GMDS: variants seen among roughly 807,000 people sequenced by gnomAD.
GMDS encodes the protein GDP-mannose 4,6 dehydratase.
GMDS carries 20 observed loss-of-function variants against 49.9 expected under a neutral mutation model. The observed-to-expected ratio is 0.40, with a 90% CI of 0.28 to 0.58. The LOEUF (loss-of-function observed/expected upper bound fraction) is 0.58. Ranked by LOEUF, GMDS falls within the 20% of genes least tolerant of loss-of-function variation. The probability of loss-of-function intolerance (pLI) is 0.42; values close to 1 mark genes in which losing one functional copy is unlikely to be tolerated. For missense variants in GMDS, 362 were observed against 481.4 expected (o/e 0.75, Z 2.32); for synonymous variants, 177 against 178.6 (o/e 0.99, Z 0.07).
Position 1,998,708 on chromosome 6 carries a change from G to A in GMDS, c.346-37742C>T, listed in dbSNP as rs113350357. Among the ~76,000 whole-genome samples the A allele has an allele frequency of 2.7e-4, 41 of 152,120 alleles. 1 individual carries two copies. In the Middle Eastern group the frequency reaches 0.027, roughly 101 times the overall value. On this transcript the variant is annotated intron_variant, in intron 4 of 10. Transcript: ENST00000380815. ...TTAGGTATTATAAGTTATCTAAGAC[G>A]ATTTGAAAAATACAGCAGGATGTAT...
At chr6:1,752,378 G>A (rs1767769548) in intron 7 of GMDS, among the ~76,000 whole-genome samples, 1 of 152,306 alleles carries the variant, frequency 6.6e-6, no homozygotes, top group Non-Finnish European at 1.5e-5. Context: ...AAGAAATATG[G>A]GACTATGTGA....
chr6:2,229,159 T>C (rs550553372), intron 1 of GMDS, among the ~76,000 whole-genome samples: 3 of 152,278 alleles, frequency 2.0e-5, no homozygotes, highest in African/African-American at 7.2e-5. Flanking sequence ...TCCAGTCTGG[T>C]ATACAAGAAA....
At chr6:1,738,859 A>G (rs1402100131) in intron 8 of GMDS, among the ~76,000 whole-genome samples, 1 of 152,200 alleles carries the variant, frequency 6.6e-6, no homozygotes, top group African/African-American at 2.4e-5. Flanking sequence ...GACAGCTCCA[A>G]CAAGCCTCTA....
At chr6:1,886,862 T>A (rs1278995957) in intron 7 of GMDS, among the ~76,000 whole-genome samples, 1 of 152,236 alleles carries the variant, frequency 6.6e-6, no homozygotes, top group Non-Finnish European at 1.5e-5. Flanking sequence ...TCACTAACAA[T>A]TGGCAGATTT....
At chr6:1,630,897 T>C (rs2113151794) in intron 9 of GMDS, among the ~76,000 whole-genome samples, 1 of 152,032 alleles carries the variant, frequency 6.6e-6, no homozygotes, top group African/African-American at 2.4e-5. Flanking sequence ...GGCTGACTCA[T>C]AGTTGTGATG....
chr6:2,141,219 G>A (rs937559578), intron 1 of GMDS, among the ~76,000 whole-genome samples: 2 of 152,328 alleles, frequency 1.3e-5, no homozygotes, highest in African/African-American at 4.8e-5. Flanking sequence ...ATGGGCATCT[G>A]CAGTAAGAAG....
chr6:1,969,483 G>T (rs1004088648), intron 4 of GMDS, among the ~76,000 whole-genome samples: 79 of 152,082 alleles, frequency 5.2e-4, no homozygotes, highest in African/African-American at 1.8e-3. Context: ...GAGTAAGGCT[G>T]AACACATTAC....
chr6:2,129,410 C>G (rs961277249), intron 1 of GMDS, among the ~76,000 whole-genome samples: 1 of 152,128 alleles, frequency 6.6e-6, no homozygotes, highest in Admixed American at 6.5e-5. Context: ...TTCTTACATG[C>G]AATGTGAGAA....
At chr6:2,016,169 G>C (rs1416759850) in intron 4 of GMDS, among the ~76,000 whole-genome samples, 1 of 151,200 alleles carries the variant, frequency 6.6e-6, no homozygotes, top group Non-Finnish European at 1.5e-5. Flanking sequence ...TGAGGTGGAA[G>C]GACTGCTTGA....
intron 1 of GMDS, among the ~76,000 whole-genome samples, chr6:2,182,235 G>A (rs1778580846): frequency 6.6e-6 from 1 of 152,228 alleles, no homozygotes; most frequent in Admixed American, 6.5e-5. Flanking sequence ...CAGAAGAAAA[G>A]CTGGAAGCTA....
At chr6:2,137,397 G>A (rs1173134333) in intron 1 of GMDS, among the ~76,000 whole-genome samples, 2 of 147,818 alleles carry the variant, frequency 1.4e-5, no homozygotes, top group South Asian at 4.2e-4. Context: ...GCAATGGCAC[G>A]ATCTTGGCTC....
intron 7 of GMDS, among the ~76,000 whole-genome samples, chr6:1,761,905 G>GA (rs995897897): frequency 5.3e-4 from 80 of 150,062 alleles, no homozygotes; most frequent in East Asian, 2.0e-3. Context: ...CACTGGAGAC[G>GA]AAAAAAAAAC....
intron 7 of GMDS, among the ~76,000 whole-genome samples, chr6:1,876,571 C>T (rs1191439493): frequency 6.6e-6 from 1 of 152,152 alleles, no homozygotes; most frequent in Non-Finnish European, 1.5e-5. Flanking sequence ...AGCTCTTAGA[C>T]AATTCCTGAA....
intron 4 of GMDS, among the ~76,000 whole-genome samples, chr6:2,068,795 T>C (rs542887210): frequency 3.3e-5 from 5 of 152,330 alleles, no homozygotes; most frequent in Admixed American, 3.3e-4. Flanking sequence ...GAACATTCCA[T>C]GCTCATGGGT....
chr6:2,013,665 C>T (rs2325727), intron 4 of GMDS, among the ~76,000 whole-genome samples: 57,413 of 151,500 alleles, frequency 0.38, 11,235 homozygotes, highest in Middle Eastern at 0.47. Flanking sequence ...GTTCCCCTGG[C>T]ATGACCACAG....
At position 1,906,698 on chromosome 6, in the gene GMDS, T is replaced by C. The variant is rs530698611; in HGVS notation, c.771+23405A>G. 2.6e-5 allele frequency among the ~76,000 whole-genome samples: 4 copies of C among 151,876 alleles called. No individual in the cohort carries two copies. In the Middle Eastern group the frequency reaches 0.014, roughly 520 times the overall value. ...GGTCCTGGGTTTGCAAGCCAGGGGG[T>C]TTCCTGCAGTTCCAAAAGCTTTTGT... On this transcript the variant is annotated intron_variant, in intron 7 of 10. Coordinates refer to ENST00000380815, the MANE Select transcript of GMDS (RefSeq NM_001500.4).
At chr6:2,151,475 G>T (rs1776841539) in intron 1 of GMDS, among the ~76,000 whole-genome samples, 1 of 152,054 alleles carries the variant, frequency 6.6e-6, no homozygotes, top group South Asian at 2.1e-4. Context: ...CCATTTGCTA[G>T]CTATGTAATC....
intron 4 of GMDS, among the ~76,000 whole-genome samples, chr6:2,050,335 T>G (rs903230858): frequency 6.6e-6 from 1 of 152,108 alleles, no homozygotes; most frequent in Admixed American, 6.5e-5. Flanking sequence ...CAGGAAGAAG[T>G]TGAATCTCTG....
intron 1 of GMDS, among the ~76,000 whole-genome samples, chr6:2,221,624 G>A (rs754750111): frequency 1.3e-5 from 2 of 152,288 alleles, no homozygotes; most frequent in South Asian, 4.1e-4. Context: ...TCCTGACCTC[G>A]TGATCCGACT....
Sources: allele counts gnomAD v4.1 joint callset (sites outside exome capture counted in the v4.1 genomes callset), GRCh38; gene constraint gnomAD v4.1.1; transcripts MANE v1.5; gene names NCBI Gene and HGNC (gene_info 2026-07-23, HGNC 2026-07-21).